CACNA2D1: variants seen among roughly 807,000 people sequenced by gnomAD.
CACNA2D1 encodes voltage-dependent calcium channel subunit alpha-2/delta-1.
Under a neutral mutation model 171.5 loss-of-function variants are expected in CACNA2D1, and 53 were observed. The ratio of observed to expected loss-of-function variants is 0.31; its 90% CI spans 0.25 to 0.39. CACNA2D1 has a LOEUF of 0.39. Ranked by LOEUF, CACNA2D1 falls within the 10% of genes least tolerant of loss-of-function variation. CACNA2D1 has a pLI of 1.00. For synonymous variants in CACNA2D1, 442 were observed against 443.1 expected, an observed-to-expected ratio of 1.00 and a Z score of 0.03; for missense variants, 903 against 1,299.8, an observed-to-expected ratio of 0.69 and a Z score of 4.69.
chr7:82,223,555 G>T (rs1024513404), intron 3 of CACNA2D1, among the ~76,000 whole-genome samples: 1 of 152,106 alleles, frequency 6.6e-6, no homozygotes, highest in Non-Finnish European at 1.5e-5. Context: ...AATGACATTC[G>T]GTAAATCATA....
At chr7:82,404,970 G>C (rs917645199) in intron 1 of CACNA2D1, among the ~76,000 whole-genome samples, 10 of 152,164 alleles carry the variant, frequency 6.6e-5, no homozygotes, top group African/African-American at 2.4e-4. Flanking sequence ...ACACTTTCCT[G>C]ATTTAGCTCA....
intron 3 of CACNA2D1, among the ~76,000 whole-genome samples, chr7:82,313,037 C>T (rs895532905): frequency 2.0e-5 from 3 of 152,154 alleles, no homozygotes; most frequent in Non-Finnish European, 4.4e-5. Flanking sequence ...GAGAGTCCAT[C>T]TGCAATGCAA....
chr7:82,402,664 T>C (rs888284316), intron 1 of CACNA2D1, among the ~76,000 whole-genome samples: 2 of 119,108 alleles, frequency 1.7e-5, no homozygotes, highest in Non-Finnish European at 3.2e-5. Context: ...TGAGCCCAGA[T>C]CACTGCACTT....
intron 1 of CACNA2D1, among the ~76,000 whole-genome samples, chr7:82,435,766 C>T (rs566269541): frequency 1.3e-5 from 2 of 151,692 alleles, no homozygotes; most frequent in East Asian, 1.9e-4. Flanking sequence ...ATTTAAAAAT[C>T]TCAACAGCAA....
chr7:82,243,868 T>C (rs1804607799), intron 3 of CACNA2D1, among the ~76,000 whole-genome samples: 1 of 152,202 alleles, frequency 6.6e-6, no homozygotes. Context: ...TAAAAATGGT[T>C]AGTGGTTCTT....
intron 3 of CACNA2D1, among the ~76,000 whole-genome samples, chr7:82,227,320 G>T (rs1001062465): frequency 1.3e-5 from 2 of 152,112 alleles, no homozygotes; most frequent in African/African-American, 2.4e-5. Flanking sequence ...TTTAAGAGCC[G>T]AGATACACAA....
chr7:82,127,717 C>A (rs1376594285), intron 5 of CACNA2D1, among the ~76,000 whole-genome samples: 1 of 152,004 alleles, frequency 6.6e-6, no homozygotes, highest in African/African-American at 2.4e-5. Flanking sequence ...TTAAGTAAAG[C>A]ACTTGATTGG....
At chr7:82,180,826 G>A (rs73162702) in intron 3 of CACNA2D1, among the ~76,000 whole-genome samples, 6 of 151,884 alleles carry the variant, frequency 4.0e-5, no homozygotes, top group Non-Finnish European at 8.8e-5. Flanking sequence ...GGTGGCAGGT[G>A]GGGGGAAGAG....
intron 1 of CACNA2D1, among the ~76,000 whole-genome samples, chr7:82,422,489 A>G (rs2129457473): frequency 6.6e-6 from 1 of 152,254 alleles, no homozygotes; most frequent in South Asian, 2.1e-4. Flanking sequence ...CATTGTAACT[A>G]TTATCTGGGA....
intron 1 of CACNA2D1, among the ~76,000 whole-genome samples, chr7:82,353,423 T>C (rs1466457362): frequency 1.3e-5 from 2 of 152,056 alleles, no homozygotes; most frequent in African/African-American, 2.4e-5. Flanking sequence ...TAGAGGTGTT[T>C]GGGGGAGGCT....
At chr7:82,084,290 ACT>A (rs372730265) in intron 7 of CACNA2D1, among the ~76,000 whole-genome samples, 11 of 151,930 alleles carry the variant, frequency 7.2e-5, no homozygotes, top group African/African-American at 2.2e-4. Context: ...CATAAGAAAA[ACT>A]CTATTTTCTT....
intron 3 of CACNA2D1, among the ~76,000 whole-genome samples, chr7:82,236,145 A>G (rs1446846250): frequency 6.6e-6 from 1 of 152,080 alleles, no homozygotes; most frequent in African/African-American, 2.4e-5. Context: ...TGAAAAGAAA[A>G]AGCAACCACG....
intron 3 of CACNA2D1, among the ~76,000 whole-genome samples, chr7:82,211,572 G>C (rs1563206623): frequency 6.6e-6 from 1 of 152,174 alleles, no homozygotes; most frequent in Non-Finnish European, 1.5e-5. Flanking sequence ...GTATTTCATG[G>C]TGTAGATTTA....
At chr7:82,104,537 G>A (rs1004653598) in intron 6 of CACNA2D1, among the ~76,000 whole-genome samples, 26 of 151,888 alleles carry the variant, frequency 1.7e-4, no homozygotes, top group African/African-American at 6.3e-4. Context: ...AATGTTCACT[G>A]AATATCACCG....
chr7:82,363,254 C>CTTTTTTTTTTTTTTTTTTTT lies in CACNA2D1; in HGVS notation c.96-13625_96-13606dup, dbSNP rs35419275. Reference sequence around the variant, plus strand: ...CTACCATAGTTTTATTTATTTGTCTCTTTTTTTTTTTTTTTTTTTTTTTTT... The same window carrying CTTTTTTTTTTTTTTTTTTTT: ...CTACCATAGTTTTATTTATTTGTCTCTTTTTTTTTTTTTTTTTTTTTTTTTTTTTTTTTTTTTTTTTTTTT... On this transcript the variant is annotated intron_variant, in intron 1 of 38. Transcript: ENST00000356860. 1.3e-4 allele frequency among the ~76,000 whole-genome samples: 8 copies of CTTTTTTTTTTTTTTTTTTTT among 63,430 alleles called. 2 individuals carry two copies. Among genetic ancestry groups the CTTTTTTTTTTTTTTTTTTTT allele is most frequent in the African/African-American group, 6.7e-4 (8 of 11,944 alleles). 41.6% of individuals were successfully genotyped at this position (63,430 alleles called of 152,430 possible).
chr7:81,982,904 C>G (rs187573871), intron 23 of CACNA2D1, among the ~76,000 whole-genome samples: 1 of 151,924 alleles, frequency 6.6e-6, no homozygotes, highest in Non-Finnish European at 1.5e-5. Context: ...CTACTATAAC[C>G]GAATATCTTT....
At position 82,262,121 on chromosome 7, in the gene CACNA2D1, G is replaced by A. The variant is rs2237518; in HGVS notation, c.294+73014C>T. 1.9e-3 allele frequency among the ~76,000 whole-genome samples: 283 copies of A among 152,328 alleles called. 3 individuals are homozygous for A. The East Asian group carries it at 0.033, about 18-fold the overall frequency. On this transcript the variant is annotated intron_variant, in intron 3 of 38. Coordinates refer to ENST00000356860, the MANE Select transcript of CACNA2D1 (RefSeq NM_000722.4). ...CCGAGGCGGGCAGATCACGAGGTCAGGAGATCGAGACCATCCTGGCTAACA... is the reference window on the plus strand; with the variant it reads ...CCGAGGCGGGCAGATCACGAGGTCAAGAGATCGAGACCATCCTGGCTAACA...
intron 1 of CACNA2D1, among the ~76,000 whole-genome samples, chr7:82,443,163 C>T (rs1412790422): frequency 6.6e-6 from 1 of 151,940 alleles, no homozygotes; most frequent in Non-Finnish European, 1.5e-5. Context: ...CGTGGAGGCG[C>T]CCGAGACGCC....
intron 3 of CACNA2D1, among the ~76,000 whole-genome samples, chr7:82,215,957 T>C (rs1448283222): frequency 6.6e-6 from 1 of 152,116 alleles, no homozygotes; most frequent in African/African-American, 2.4e-5. Context: ...CAATTTGACA[T>C]GAAAAAAAGA....
Sources: gnomAD v4.1 joint callset for allele counts (sites outside exome capture counted in the v4.1 genomes callset) on GRCh38, gnomAD v4.1.1 for gene constraint, MANE v1.5 for transcripts, NCBI Gene and HGNC (gene_info 2026-07-23, HGNC 2026-07-21) for gene names.